The following IL1RAPL1 variants were observed in gnomAD, a reference collection of about 807,000 sequenced individuals.
The protein encoded by IL1RAPL1 is interleukin-1 receptor accessory protein-like 1.
In IL1RAPL1, 3 loss-of-function variants were observed where a neutral mutation model predicts 48.4. The observed-to-expected ratio is 0.06, with a 90% confidence interval of 0.03 to 0.16. IL1RAPL1 has a LOEUF of 0.16. IL1RAPL1 is among the 10% of genes least tolerant of loss of function. The pLI is 1.00. For synonymous variants in IL1RAPL1, 185 were observed against 187.7 expected (o/e 0.99, Z 0.12); for missense variants, 349 against 530.6 (o/e 0.66, Z 3.36).
At chrX:29,119,016 T>A (rs1307995291) in intron 2 of IL1RAPL1, among the ~76,000 whole-genome samples, 2 of 111,147 alleles carry the variant, frequency 1.8e-5, no homozygotes, top group Non-Finnish European at 3.8e-5. Context: ...GTATACATTT[T>A]AACAAAACAC....
chrX:28,793,647 A>G (rs1214533605), intron 2 of IL1RAPL1, among the ~76,000 whole-genome samples: 1 of 111,320 alleles, frequency 9.0e-6, no homozygotes, highest in Admixed American at 9.6e-5. Flanking sequence ...CTGCAGTAAG[A>G]TTTGGGAGCA....
At chrX:29,887,738 A>G (rs1170553199) in intron 6 of IL1RAPL1, among the ~76,000 whole-genome samples, 1 of 111,320 alleles carries the variant, frequency 9.0e-6, no homozygotes, top group East Asian at 2.8e-4. Flanking sequence ...GCTAAGACAT[A>G]GAAAACAGCA....
At chrX:29,762,771 G>A (rs953296303) in intron 6 of IL1RAPL1, among the ~76,000 whole-genome samples, 1 of 111,598 alleles carries the variant, frequency 9.0e-6, no homozygotes, top group African/African-American at 3.2e-5. Context: ...CAGAGTGGCA[G>A]GGGTTTCACT....
chrX:28,928,501 C>G (rs1299838390), intron 2 of IL1RAPL1, among the ~76,000 whole-genome samples: 1 of 111,855 alleles, frequency 8.9e-6, no homozygotes, highest in Non-Finnish European at 1.9e-5. Flanking sequence ...TAACCTCTGC[C>G]TAGCTTTTTA....
chrX:28,630,147 T>C (rs1446425446), intron 1 of IL1RAPL1, among the ~76,000 whole-genome samples: 4 of 111,583 alleles, frequency 3.6e-5, no homozygotes, highest in Non-Finnish European at 7.5e-5. Context: ...TATCTTCCTT[T>C]TCACTGTTGA....
chrX:29,592,773 G>A (rs1004037343), intron 5 of IL1RAPL1, among the ~76,000 whole-genome samples: 12 of 88,546 alleles, frequency 1.4e-4, no homozygotes, highest in African/African-American at 5.2e-4. Flanking sequence ...ATGGTGCCGA[G>A]AGGAGCCCCC....
intron 6 of IL1RAPL1, among the ~76,000 whole-genome samples, chrX:29,769,426 A>ATTTTT (rs1928993625): frequency 2.2e-5 from 1 of 46,441 alleles, no homozygotes; most frequent in Non-Finnish European, 3.5e-5. Context: ...ACTGCCAAAC[A>ATTTTT]GTTTTTTTTT....
intron 3 of IL1RAPL1, among the ~76,000 whole-genome samples, chrX:29,319,160 GTCTATCTATCTATCTA>G (rs200758095): frequency 6.5e-4 from 55 of 84,986 alleles, no homozygotes; most frequent in Non-Finnish European, 9.1e-4. Context: ...CTATCTGTCT[GTCTATCTATCTATCTA>G]TCTATCTATC....
At chrX:28,786,180 A>G (rs1441888298) in intron 1 of IL1RAPL1, among the ~76,000 whole-genome samples, 1 of 111,918 alleles carries the variant, frequency 8.9e-6, no homozygotes, top group East Asian at 2.8e-4. Context: ...AACTGCAATA[A>G]CAACAATAAA....
At chrX:29,624,966 C>T (rs1449273846) in intron 5 of IL1RAPL1, among the ~76,000 whole-genome samples, 1 of 112,052 alleles carries the variant, frequency 8.9e-6, no homozygotes, top group Non-Finnish European at 1.9e-5. Flanking sequence ...CAAACTTTTC[C>T]TGAAGGGACC....
At chrX:28,671,838 C>T (rs755227059) in intron 1 of IL1RAPL1, among the ~76,000 whole-genome samples, 1 of 112,124 alleles carries the variant, frequency 8.9e-6, no homozygotes, top group South Asian at 3.7e-4. Context: ...CCAGTGCTTT[C>T]CTAAACGAGT....
chrX:29,213,004 T>G (rs1170637494), intron 2 of IL1RAPL1, among the ~76,000 whole-genome samples: 1 of 111,347 alleles, frequency 9.0e-6, no homozygotes, highest in Non-Finnish European at 1.9e-5. Context: ...CAACTTTTTT[T>G]TTTCTTTTTT....
At chrX:29,915,313 G>T (rs1477601406) in intron 6 of IL1RAPL1, among the ~76,000 whole-genome samples, 1 of 111,284 alleles carries the variant, frequency 9.0e-6, no homozygotes, top group Non-Finnish European at 1.9e-5. Context: ...TAGGGGCGGG[G>T]GAGGAATCCA....
intron 3 of IL1RAPL1, among the ~76,000 whole-genome samples, chrX:29,309,327 G>C (rs766611923): frequency 2.1e-4 from 23 of 110,747 alleles, no homozygotes; most frequent in Non-Finnish European, 4.0e-4. Flanking sequence ...AGGGTGATTG[G>C]GCTTATCAAA....
chrX:29,629,537 A>G (rs1924709065), intron 5 of IL1RAPL1, among the ~76,000 whole-genome samples: 1 of 111,814 alleles, frequency 8.9e-6, no homozygotes, highest in African/African-American at 3.2e-5. Context: ...TCTCTAAGCT[A>G]TTCAAGATAG....
At position 29,413,226 on chromosome X, in the gene IL1RAPL1, A is replaced by G. The variant is rs183410082; in HGVS notation, c.703+13918A>G. 8.6e-3 allele frequency among the ~76,000 whole-genome samples: 968 copies of G among 111,984 alleles called. 17 individuals are homozygous for G. The highest frequency in any genetic ancestry group is 0.03 in the African/African-American group (924 of 30,848). On this transcript the variant is annotated intron_variant, in intron 5 of 10. Coordinates refer to ENST00000378993, the MANE Select transcript of IL1RAPL1 (RefSeq NM_014271.4). ...CATCTTCTGCCATGATTTCCCAGCC[A>G]TGTGGAACTGTGAGTCCATTAAACC...
chrX:29,347,932 A>G (rs1228361903), intron 3 of IL1RAPL1, among the ~76,000 whole-genome samples: 1 of 111,618 alleles, frequency 9.0e-6, no homozygotes, highest in Admixed American at 9.5e-5. Context: ...GGACAAAGGC[A>G]TGGTTCATGT....
chrX:29,666,284 T>A (rs1925996176), intron 5 of IL1RAPL1, among the ~76,000 whole-genome samples: 1 of 110,783 alleles, frequency 9.0e-6, no homozygotes, highest in South Asian at 3.8e-4. Flanking sequence ...TTGGTCAACA[T>A]CTTGGGTGAA....
intron 1 of IL1RAPL1, among the ~76,000 whole-genome samples, chrX:28,716,410 A>G (rs1935504895): frequency 9.0e-6 from 1 of 111,347 alleles, no homozygotes; most frequent in African/African-American, 3.3e-5. Flanking sequence ...GAAGATGTTT[A>G]AAAAAAGCAA....
Sources: gnomAD v4.1 joint callset for allele counts (sites outside exome capture counted in the v4.1 genomes callset) on GRCh38, gnomAD v4.1.1 for gene constraint, MANE v1.5 for transcripts, NCBI Gene and HGNC (gene_info 2026-07-23, HGNC 2026-07-21) for gene names.